SATB2: variants seen among roughly 807,000 people sequenced by gnomAD.
SATB2 encodes the protein DNA-binding protein SATB2.
In SATB2, 1 loss-of-function variant was observed where a neutral mutation model predicts 73.4. That is an observed-to-expected ratio of 0.01 (90% CI 0.00 to 0.06). The LOEUF (loss-of-function observed/expected upper bound fraction) is 0.06. Among genes scored for constraint, SATB2 ranks in the 10% least tolerant of loss-of-function variants. The probability of loss-of-function intolerance (pLI) is 1.00; values close to 1 mark genes in which losing one functional copy is unlikely to be tolerated. For synonymous variants in SATB2, 397 were observed against 367.0 expected (o/e 1.08, Z -0.93); for missense variants, 459 against 945.8 (o/e 0.49, Z 6.75).
chr2:199,381,592 G>T, intron 4 of SATB2, 102 bp downstream of exon 4: 3 of 1,487,674 alleles, frequency 2.0e-6, no homozygotes, highest in Middle Eastern at 1.7e-4. Flanking sequence ...TTTGTCCAAT[G>T]TCCAGAAATT....
chr2:199,372,545 C>T (rs1689480766), intron 5 of SATB2, among the ~76,000 whole-genome samples: 1 of 152,042 alleles, frequency 6.6e-6, no homozygotes, highest in Admixed American at 6.6e-5. Flanking sequence ...AACTGAGGCC[C>T]CAGAAACTCA....
chr2:199,471,174 A>G (rs1043697401), exon 1 of SATB2: 3 of 152,560 alleles, frequency 2.0e-5, no homozygotes, highest in African/African-American at 7.2e-5. Flanking sequence ...GCACGCGCAG[A>G]TACCGGGCAG....
At chr2:199,336,473 T>C (rs1688341627) in intron 7 of SATB2, among the ~76,000 whole-genome samples, 1 of 152,198 alleles carries the variant, frequency 6.6e-6, no homozygotes, top group East Asian at 1.9e-4. Context: ...AGTACTTTCC[T>C]AAAACAAAAC....
intron 3 of SATB2, among the ~76,000 whole-genome samples, chr2:199,409,858 A>G (rs1186743894): frequency 6.6e-6 from 1 of 152,178 alleles, no homozygotes. Flanking sequence ...ACTTGAAAAG[A>G]GTTTCCAGCT....
intron 2 of SATB2, among the ~76,000 whole-genome samples, chr2:199,453,345 T>C (rs1311794230): frequency 6.6e-6 from 1 of 152,052 alleles, no homozygotes; most frequent in Non-Finnish European, 1.5e-5. Flanking sequence ...AGACAAATTT[T>C]ATTGTATCCA....
upstream of SATB2, among the ~76,000 whole-genome samples, chr2:199,461,179 T>C (rs1692467212): frequency 6.6e-6 from 1 of 152,246 alleles, no homozygotes; most frequent in Admixed American, 6.5e-5. Context: ...CTAGGAAGTT[T>C]TGTGATCTAT....
chr2:199,296,489 G>A (rs1192920374), intron 10 of SATB2, among the ~76,000 whole-genome samples: 1 of 152,068 alleles, frequency 6.6e-6, no homozygotes, highest in African/African-American at 2.4e-5. Flanking sequence ...CCAGGAGTTC[G>A]AGACTAGCCT....
intron 6 of SATB2, among the ~76,000 whole-genome samples, chr2:199,350,232 G>C (rs1169660566): frequency 6.6e-6 from 1 of 151,912 alleles, no homozygotes. Flanking sequence ...TAAGAAGCTA[G>C]AGATCAAACA....
chr2:199,296,674 G>C (rs953516912), intron 10 of SATB2, among the ~76,000 whole-genome samples: 1 of 151,866 alleles, frequency 6.6e-6, no homozygotes, highest in Non-Finnish European at 1.5e-5. Flanking sequence ...ACTCCAGCCT[G>C]AGCAACCAGA....
intron 2 of SATB2, among the ~76,000 whole-genome samples, chr2:199,446,071 G>T (rs563661609): frequency 3.3e-5 from 5 of 152,086 alleles, no homozygotes; most frequent in African/African-American, 1.2e-4. Context: ...ATTCAGTCAC[G>T]TAATGACTTA....
chr2:199,429,693 T>G (rs1691442199), intron 3 of SATB2, among the ~76,000 whole-genome samples: 1 of 152,190 alleles, frequency 6.6e-6, no homozygotes, highest in African/African-American at 2.4e-5. Context: ...GCGGATCACC[T>G]GAGGTCAGGA....
At chr2:199,428,376 A>T (rs1351430360) in intron 3 of SATB2, among the ~76,000 whole-genome samples, 1 of 152,200 alleles carries the variant, frequency 6.6e-6, no homozygotes, top group East Asian at 1.9e-4. Context: ...AATATATATA[A>T]TCAGCATGTA....
At chr2:199,279,294 T>C (rs931237876) in intron 10 of SATB2, among the ~76,000 whole-genome samples, 2 of 152,190 alleles carry the variant, frequency 1.3e-5, no homozygotes, top group Non-Finnish European at 2.9e-5. Flanking sequence ...AATGGTACCA[T>C]GACCAAAGTT....
chr2:199,401,484 C>T (rs748357201), intron 3 of SATB2, among the ~76,000 whole-genome samples: 2 of 150,440 alleles, frequency 1.3e-5, no homozygotes, highest in African/African-American at 4.9e-5. Context: ...ACCCGGGAGG[C>T]GGAGGTTGCA....
chr2:199,298,954 A>G (rs780092143), intron 10 of SATB2, among the ~76,000 whole-genome samples: 2 of 152,176 alleles, frequency 1.3e-5, no homozygotes, highest in East Asian at 1.9e-4. Context: ...ACTTTCTGCC[A>G]TAAGAGCTCA....
chr2:199,431,084 T>A (rs375893320), intron 3 of SATB2, among the ~76,000 whole-genome samples: 13 of 152,156 alleles, frequency 8.5e-5, no homozygotes, highest in African/African-American at 3.1e-4. Flanking sequence ...TACATAAACA[T>A]GAAACAATCA....
At chr2:199,368,478 T>C in intron 6 of SATB2, 127 bp downstream of exon 6, 1 of 680,186 alleles carries the variant, frequency 1.5e-6, no homozygotes, top group Non-Finnish European at 2.7e-6. Flanking sequence ...ACAGGAATAT[T>C]AAAGATCTCA....
At chr2:199,329,553 G>C (rs1037136) in intron 7 of SATB2, among the ~76,000 whole-genome samples, 2 of 151,838 alleles carry the variant, frequency 1.3e-5, no homozygotes, top group African/African-American at 4.8e-5. Flanking sequence ...TCTTTCATGA[G>C]ACGTCTTCAT....
upstream of SATB2, among the ~76,000 whole-genome samples, chr2:199,459,411 G>T (rs1205355917): frequency 6.6e-6 from 1 of 152,166 alleles, no homozygotes; most frequent in Non-Finnish European, 1.5e-5. This position sits in a 1 kb window ranked among gnomAD's most constrained non-coding sequence, Gnocchi z 4.2. Flanking sequence ...CTCTGGCCGC[G>T]CTTTTGTCCC....
Sources: allele counts gnomAD v4.1 joint callset (sites outside exome capture counted in the v4.1 genomes callset), GRCh38; gene constraint gnomAD v4.1.1; non-coding constraint Gnocchi (gnomAD v3.1); transcripts MANE v1.5; gene names NCBI Gene and HGNC (gene_info 2026-07-23, HGNC 2026-07-21).